Variants in SUGCT observed in about 807,000 individuals in gnomAD.
SUGCT encodes the protein succinyl-CoA:glutarate CoA-transferase.
In SUGCT, 41 loss-of-function variants were observed where a neutral mutation model predicts 55.0. That is an observed-to-expected ratio of 0.74 (90% CI 0.58 to 0.97). The LOEUF (loss-of-function observed/expected upper bound fraction) is 0.97, where lower values mean the gene tolerates loss of function less well. Ranked by LOEUF, SUGCT falls within the 50% of genes least tolerant of loss-of-function variation. The pLI is 0.00. For missense variants in SUGCT, 568 were observed against 547.8 expected (o/e 1.04, Z -0.37); for synonymous variants, 187 against 200.4 (o/e 0.93, Z 0.56).
the SUGCT span, among the ~76,000 whole-genome samples, chr7:40,947,486 G>A: frequency 6.8e-6 from 1 of 147,788 alleles, no homozygotes; most frequent in Admixed American, 6.8e-5. Flanking sequence ...TTGCATGTGG[G>A]CCATACTTTC....
chr7:40,272,192 A>G (rs1206966755), intron 7 of SUGCT, among the ~76,000 whole-genome samples: 1 of 68,744 alleles, frequency 1.5e-5, no homozygotes, highest in Non-Finnish European at 2.6e-5. Flanking sequence ...ATATATATAT[A>G]TACAGGGTCT....
intron 13 of SUGCT, among the ~76,000 whole-genome samples, chr7:40,807,152 G>A (rs1015021043): frequency 6.6e-6 from 1 of 152,162 alleles, no homozygotes; most frequent in African/African-American, 2.4e-5. Context: ...AGTCCCAGAA[G>A]TTAGAGAGAA....
chr7:40,984,806 C>T, the SUGCT span, among the ~76,000 whole-genome samples: 2 of 152,118 alleles, frequency 1.3e-5, no homozygotes, highest in African/African-American at 4.8e-5. Context: ...TGGTATCGTG[C>T]AGCCTTCCTC....
chr7:41,029,740 C>T, the SUGCT span, among the ~76,000 whole-genome samples: 1 of 152,024 alleles, frequency 6.6e-6, no homozygotes, highest in East Asian at 1.9e-4. Flanking sequence ...ATTGATGAAC[C>T]AATATTATTA....
chr7:40,573,534 T>C (rs1186502554), intron 12 of SUGCT, among the ~76,000 whole-genome samples: 1 of 152,064 alleles, frequency 6.6e-6, no homozygotes, highest in Non-Finnish European at 1.5e-5. Context: ...TACATACATA[T>C]AGACATAAGA....
chr7:40,225,543 T>G lies in SUGCT; in HGVS notation c.485-12092T>G, dbSNP rs560005383. Among the ~76,000 whole-genome samples the G allele has an allele frequency of 3.9e-5, 6 of 151,960 alleles. No homozygotes were observed. In the South Asian group the frequency reaches 1.2e-3, roughly 32 times the overall value. On this transcript the variant is annotated intron_variant, in intron 6 of 13. Transcript: ENST00000335693. Reference sequence around the variant, plus strand: ...CCTCTGCCTGCCGGGTATAAGCGATTCTCCTGCCTCACCCTCCAAGTAGCT... The same window carrying G: ...CCTCTGCCTGCCGGGTATAAGCGATGCTCCTGCCTCACCCTCCAAGTAGCT...
intron 13 of SUGCT, among the ~76,000 whole-genome samples, chr7:40,780,182 A>T (rs1316596959): frequency 6.6e-6 from 1 of 151,834 alleles, no homozygotes; most frequent in Non-Finnish European, 1.5e-5. Context: ...GCCACTCTGG[A>T]TGGGAATCAG....
chr7:40,694,298 C>A (rs1159030402), intron 12 of SUGCT, among the ~76,000 whole-genome samples: 4 of 152,190 alleles, frequency 2.6e-5, no homozygotes, highest in Non-Finnish European at 5.9e-5. Context: ...CCTAACATAA[C>A]TGTGATGGTT....
chr7:40,670,874 A>G (rs184500587), intron 12 of SUGCT, among the ~76,000 whole-genome samples: 396 of 152,316 alleles, frequency 2.6e-3, no homozygotes, highest in Non-Finnish European at 3.8e-3. Flanking sequence ...CCAATTTTAC[A>G]CAAACCTCTA....
At chr7:40,351,495 T>C (rs1562705478) in intron 9 of SUGCT, among the ~76,000 whole-genome samples, 1 of 152,200 alleles carries the variant, frequency 6.6e-6, no homozygotes, top group Non-Finnish European at 1.5e-5. Flanking sequence ...AATAGTGTGA[T>C]TGTATTGTTT....
chr7:40,783,030 G>A (rs1027944727), intron 13 of SUGCT, among the ~76,000 whole-genome samples: 5 of 152,126 alleles, frequency 3.3e-5, no homozygotes, highest in Non-Finnish European at 7.3e-5. Context: ...ATGATCTGGT[G>A]GGAAGATATT....
At chr7:40,727,298 T>C (rs1055641618) in intron 12 of SUGCT, among the ~76,000 whole-genome samples, 1 of 152,226 alleles carries the variant, frequency 6.6e-6, no homozygotes, top group Non-Finnish European at 1.5e-5. Flanking sequence ...ACTTTTGCAT[T>C]TCTAAGTCGC....
intron 9 of SUGCT, among the ~76,000 whole-genome samples, chr7:40,430,145 C>T (rs1787818401): frequency 6.6e-6 from 1 of 152,100 alleles, no homozygotes; most frequent in African/African-American, 2.4e-5. Context: ...TAGGTATCTT[C>T]ACAAGATGGT....
At chr7:40,632,644 A>ATAATGTATG (rs1799837972) in intron 12 of SUGCT, among the ~76,000 whole-genome samples, 2 of 151,840 alleles carry the variant, frequency 1.3e-5, no homozygotes, top group African/African-American at 2.4e-5. Flanking sequence ...GTTTCCATAC[A>ATAATGTATG]GATAATGTAA....
chr7:40,801,374 G>A (rs921179334), intron 13 of SUGCT, among the ~76,000 whole-genome samples: 4 of 152,162 alleles, frequency 2.6e-5, no homozygotes, highest in African/African-American at 9.7e-5. Flanking sequence ...GATGTATCTT[G>A]TTAGAGATTT....
At chr7:40,529,152 A>G (rs573450456) in intron 12 of SUGCT, among the ~76,000 whole-genome samples, 1 of 152,338 alleles carries the variant, frequency 6.6e-6, no homozygotes, top group South Asian at 2.1e-4. Context: ...TTACTTCTCC[A>G]TCCTGTCACC....
At chr7:40,245,966 C>T (rs995251987) in intron 7 of SUGCT, among the ~76,000 whole-genome samples, 2 of 152,030 alleles carry the variant, frequency 1.3e-5, no homozygotes, top group Non-Finnish European at 1.5e-5. Flanking sequence ...TCCTGAATAG[C>T]TGGAACTACA....
chr7:41,034,847 A>G, the SUGCT span, among the ~76,000 whole-genome samples: 1 of 152,094 alleles, frequency 6.6e-6, no homozygotes, highest in Non-Finnish European at 1.5e-5. Context: ...GCCTCTTTCT[A>G]GGGGTGATGG....
At chr7:40,902,710 C>A in the SUGCT span, among the ~76,000 whole-genome samples, 1 of 151,816 alleles carries the variant, frequency 6.6e-6, no homozygotes, top group Non-Finnish European at 1.5e-5. Flanking sequence ...TAAATGAAAT[C>A]ATATTTTCAA....
Sources: allele counts gnomAD v4.1 joint callset (sites outside exome capture counted in the v4.1 genomes callset), GRCh38; gene constraint gnomAD v4.1.1; transcripts MANE v1.5; gene names NCBI Gene and HGNC (gene_info 2026-07-23, HGNC 2026-07-21).